TMEM266: variants seen among roughly 807,000 people sequenced by gnomAD.
TMEM266 encodes the protein Hv1 related protein 1.
Under a neutral mutation model 50.5 loss-of-function variants are expected in TMEM266, and 33 were observed. The observed-to-expected ratio is 0.65, with a 90% CI of 0.50 to 0.87. TMEM266 has a LOEUF of 0.87. TMEM266 is among the 40% of genes least tolerant of loss of function. The pLI, the probability that TMEM266 is intolerant of heterozygous loss-of-function variation, is 0.00. For synonymous variants in TMEM266, 310 were observed against 292.3 expected (o/e 1.06, Z -0.62); for missense variants, 655 against 695.1 (o/e 0.94, Z 0.65).
chr15:76,110,148 C>T (rs533703385), intron 1 of TMEM266, among the ~76,000 whole-genome samples: 6 of 151,798 alleles, frequency 4.0e-5, no homozygotes, highest in South Asian at 4.2e-4. Flanking sequence ...TACAGGTGCA[C>T]GCCACCACAC....
At chr15:76,083,612 A>T (rs1292952764) in intron 1 of TMEM266, among the ~76,000 whole-genome samples, 16 of 152,182 alleles carry the variant, frequency 1.1e-4, no homozygotes. Context: ...CACACCATCT[A>T]GACCAGATTC....
At chr15:76,096,077 T>C (rs1180689529) in intron 1 of TMEM266, among the ~76,000 whole-genome samples, 1 of 152,072 alleles carries the variant, frequency 6.6e-6, no homozygotes, top group Non-Finnish European at 1.5e-5. Flanking sequence ...CCTGGATTCA[T>C]TGATTTTTTG....
chr15:76,203,849 T>G lies in TMEM266; in HGVS notation c.1130T>G (p.Leu377Arg), dbSNP rs1431995921. The G allele has an allele frequency of 6.2e-7, 1 of 1,614,004 alleles. No individual in the cohort carries two copies. The change falls in exon 11 of 11, where the codon CTC becomes CGC. Residue 377 changes from leucine (L) to arginine (R), a missense_variant. By Grantham distance (102) the Leu-to-Arg change is moderately radical (BLOSUM62 -2). This residue lies in a region of TMEM266 where 455 missense variants were observed against 401.8 expected (regional missense o/e 1.13). Transcript: ENST00000388942. ...TTCTCTCTGGACATGCCCCTCAAACTCGGCGGTAATGGCACCAGCGCCACC... is the reference window on the plus strand; with the variant it reads ...TTCTCTCTGGACATGCCCCTCAAACGCGGCGGTAATGGCACCAGCGCCACC...
intron 1 of TMEM266, 46 bp downstream of exon 1, chr15:76,060,062 A>G (rs2036262858): frequency 7.4e-6 from 1 of 135,864 alleles, no homozygotes; most frequent in Non-Finnish European, 1.6e-5. Flanking sequence ...CCCCTGCCTC[A>G]CTGCCCGAGT....
chr15:76,064,623 G>T (rs1273244134), intron 1 of TMEM266, among the ~76,000 whole-genome samples: 3 of 152,260 alleles, frequency 2.0e-5, no homozygotes, highest in South Asian at 2.1e-4. Flanking sequence ...TGAATTACCC[G>T]CCAGGAGAGG....
intron 9 of TMEM266, among the ~76,000 whole-genome samples, chr15:76,196,732 G>A (rs992371398): frequency 1.3e-5 from 2 of 152,038 alleles, no homozygotes; most frequent in African/African-American, 4.8e-5. Context: ...CCAGGAGGGC[G>A]GGGTGCCAGC....
At chr15:76,183,858 G>GC (rs952851368) in intron 8 of TMEM266, among the ~76,000 whole-genome samples, 1 of 152,214 alleles carries the variant, frequency 6.6e-6, no homozygotes, top group Non-Finnish European at 1.5e-5. Flanking sequence ...AAGCTGTCAC[G>GC]CCCCCCCTCC....
intron 9 of TMEM266, among the ~76,000 whole-genome samples, chr15:76,192,559 A>G (rs1215222259): frequency 6.6e-6 from 1 of 152,162 alleles, no homozygotes; most frequent in Non-Finnish European, 1.5e-5. Flanking sequence ...GCTTCCAGAC[A>G]GAGGTCTGGG....
intron 1 of TMEM266, among the ~76,000 whole-genome samples, chr15:76,110,788 C>T (rs948411121): frequency 1.2e-4 from 19 of 152,146 alleles, no homozygotes; most frequent in African/African-American, 4.3e-4. Context: ...TAAAACTCAA[C>T]AATAAAACCA....
intron 7 of TMEM266, among the ~76,000 whole-genome samples, chr15:76,172,863 C>A (rs1294606354): frequency 6.6e-6 from 1 of 152,206 alleles, no homozygotes; most frequent in Non-Finnish European, 1.5e-5. Flanking sequence ...AGAACATCCA[C>A]CCCCGCTCGG....
chr15:76,148,177 C>T (rs919620371), intron 3 of TMEM266, among the ~76,000 whole-genome samples: 2 of 152,120 alleles, frequency 1.3e-5, no homozygotes, highest in Non-Finnish European at 2.9e-5. Flanking sequence ...AGTTTAAATG[C>T]GTGGCCACGT....
rs775171421 is a variant in TMEM266 at position 76,134,248 on chromosome 15, AAC to A, written c.-13_-12del. 2 of 1,613,894 alleles carry A rather than the reference AAC, an allele frequency of 1.2e-6. No individual in the cohort carries two copies. Among genetic ancestry groups the A allele is most frequent in the South Asian group, 2.2e-5 (2 of 91,060 alleles). On this transcript the variant is annotated 5_prime_UTR_variant, in exon 2 of 11. Transcript: ENST00000388942. ...GCTTCAGGACAGCTGAGCCCCACTA[AAC>A]ACCAAGAAAACCCATGGCTGTGGCT...
In TMEM266 at chr15:76,136,618, A is replaced by G. The variant is rs113870956; in HGVS notation, c.39-1089A>G. The stretch of plus-strand genomic sequence containing the variant: ...AAATTTTACTCCTTGCCATTATACA[A>G]TTGTTCCTTTCTAACTCTCATTGTT... On this transcript the variant is annotated intron_variant, in intron 2 of 10. Transcript: ENST00000388942. Among the ~76,000 whole-genome samples the G allele has an allele frequency of 2.6e-3, 394 of 152,228 alleles. 1 individual carries two copies. The highest frequency in any genetic ancestry group is 9.0e-3 in the African/African-American group (375 of 41,546).
chr15:76,127,208 TAC>T (rs1441046958), intron 1 of TMEM266, among the ~76,000 whole-genome samples: 1 of 152,104 alleles, frequency 6.6e-6, no homozygotes, highest in Non-Finnish European at 1.5e-5. Flanking sequence ...ATCAAAACAT[TAC>T]AGTTTATGTC....
intron 8 of TMEM266, among the ~76,000 whole-genome samples, chr15:76,177,280 AGGTCTTGGTCAATGTGTGTTCAGT>A (rs1455388713): frequency 1.3e-5 from 2 of 152,244 alleles, no homozygotes; most frequent in African/African-American, 2.4e-5. Flanking sequence ...CGCGCGTTGT[AGGTCTTGGTCAATGTGTGTTCAGT>A]GTATGTCGTG....
chr15:76,130,248 AAAAAAAC>A lies in TMEM266; in HGVS notation c.-96-3919_-96-3913del, dbSNP rs1414623695. 1.5e-4 allele frequency among the ~76,000 whole-genome samples: 14 copies of A among 96,278 alleles called. 4 individuals carry two copies. The highest frequency in any genetic ancestry group is 8.0e-4 in the African/African-American group (13 of 16,184). The allele number at this position is 96,278 out of a possible 152,430, so 63.2% of individuals were successfully genotyped here. ...AAAAAAAAAAAAAAAAAAAAAAAAAAAAAAAACCGCCGGGTGCAGTGTCTCATGCCTG... is the reference window on the plus strand; with the variant it reads ...AAAAAAAAAAAAAAAAAAAAAAAAAACGCCGGGTGCAGTGTCTCATGCCTG... On this transcript the variant is annotated intron_variant, in intron 1 of 10. Transcript: ENST00000388942.
chr15:76,181,966 G>C (rs1033245163), intron 8 of TMEM266, among the ~76,000 whole-genome samples: 2 of 152,162 alleles, frequency 1.3e-5, no homozygotes, highest in Admixed American at 1.3e-4. Context: ...TCTCTTCTCT[G>C]ACGTTCTGCT....
chr15:76,074,691 C>T (rs1196748194), intron 1 of TMEM266, among the ~76,000 whole-genome samples: 1 of 151,922 alleles, frequency 6.6e-6, no homozygotes, highest in Non-Finnish European at 1.5e-5. Flanking sequence ...GTATTGACAG[C>T]AGAGGAGTGG....
chr15:76,080,660 T>C lies in TMEM266; in HGVS notation c.-97+20644T>C, dbSNP rs114332491. On this transcript the variant is annotated intron_variant, in intron 1 of 10. Coordinates refer to ENST00000388942, the MANE Select transcript of TMEM266 (RefSeq NM_152335.3). ...ACTCTACAGATGGAGCTAGTTCCCA[T>C]ATCACCTGCTGTTCTTTGCTGGAGC... Among the ~76,000 whole-genome samples the C allele has an allele frequency of 2.2e-3, 331 of 152,226 alleles. 2 individuals carry two copies. Among genetic ancestry groups the C allele is most frequent in the African/African-American group, 7.7e-3 (322 of 41,552 alleles).
Sources: gnomAD v4.1 joint callset for allele counts (sites outside exome capture counted in the v4.1 genomes callset) on GRCh38, gnomAD v4.1.1 for gene constraint, gnomAD v4.1.1 regional missense constraint, MANE v1.5 for transcripts, NCBI Gene and HGNC (gene_info 2026-07-23, HGNC 2026-07-21) for gene names.